Variants in GALNT13 observed in about 807,000 individuals in gnomAD.
GALNT13 encodes the protein UDP-GalNAc:polypeptide N-acetylgalactosaminyltransferase 13.
Under a neutral mutation model 64.2 loss-of-function variants are expected in GALNT13, and 28 were observed. The ratio of observed to expected loss-of-function variants is 0.44; its 90% CI spans 0.32 to 0.60. GALNT13 has a LOEUF of 0.60. GALNT13 is among the 20% of genes least tolerant of loss of function. The probability of loss-of-function intolerance (pLI) is 0.05; values close to 1 mark genes in which losing one functional copy is unlikely to be tolerated. For missense variants in GALNT13, 577 were observed against 669.8 expected, an observed-to-expected ratio of 0.86 and a Z score of 1.53; for synonymous variants, 214 against 224.6, an observed-to-expected ratio of 0.95 and a Z score of 0.42.
the GALNT13 span, among the ~76,000 whole-genome samples, chr2:153,668,896 C>A: frequency 6.6e-6 from 1 of 152,180 alleles, no homozygotes; most frequent in Non-Finnish European, 1.5e-5. Context: ...TACCTATCCA[C>A]CAAGTCTCAC....
intron 11 of GALNT13, among the ~76,000 whole-genome samples, chr2:154,414,949 T>C (rs779806797): frequency 6.6e-6 from 1 of 151,962 alleles, no homozygotes; most frequent in Non-Finnish European, 1.5e-5. Context: ...ACTCAGATCA[T>C]AGTCTTATTA....
the GALNT13 span, among the ~76,000 whole-genome samples, chr2:153,425,274 T>C: frequency 0.23 from 34,179 of 151,468 alleles, 4,101 homozygotes; most frequent in Non-Finnish European, 0.25. Context: ...CTCCTGGGCA[T>C]CAATGGGGCC....
the GALNT13 span, among the ~76,000 whole-genome samples, chr2:153,654,845 G>T: frequency 2.0e-5 from 3 of 151,934 alleles, no homozygotes; most frequent in Admixed American, 6.6e-5. Context: ...TGATCTTGGA[G>T]CCAATTCTCC....
chr2:154,047,948 T>C (rs1699369688), intron 3 of GALNT13, among the ~76,000 whole-genome samples: 2 of 152,160 alleles, frequency 1.3e-5, no homozygotes, highest in South Asian at 2.1e-4. Flanking sequence ...GATGTATTCA[T>C]CCATTTTCAC....
At chr2:154,294,416 A>G (rs564301008) in intron 8 of GALNT13, among the ~76,000 whole-genome samples, 1 of 152,324 alleles carries the variant, frequency 6.6e-6, no homozygotes, top group African/African-American at 2.4e-5. Context: ...GAGTGAGACC[A>G]TTGGAACCCT....
At chr2:153,837,217 A>G in the GALNT13 span, among the ~76,000 whole-genome samples, 17 of 152,174 alleles carry the variant, frequency 1.1e-4, no homozygotes, top group Admixed American at 2.6e-4. Context: ...GTGTGAGATG[A>G]TACCTCATTG....
At chr2:154,115,668 G>A (rs993862107) in intron 3 of GALNT13, among the ~76,000 whole-genome samples, 8 of 152,048 alleles carry the variant, frequency 5.3e-5, no homozygotes, top group Middle Eastern at 3.4e-3. Context: ...TGATCTGCCC[G>A]TCTCAGCCTC....
chr2:154,311,229 A>G (rs1399612164), intron 9 of GALNT13, among the ~76,000 whole-genome samples: 1 of 152,096 alleles, frequency 6.6e-6, no homozygotes, highest in Non-Finnish European at 1.5e-5. Context: ...TTATATTTGT[A>G]TAGATAATTG....
chr2:153,350,753 C>A, the GALNT13 span, among the ~76,000 whole-genome samples: 2 of 151,944 alleles, frequency 1.3e-5, no homozygotes, highest in Non-Finnish European at 2.9e-5. Context: ...GAAGTATATC[C>A]AACAAAAATG....
At chr2:153,822,609 A>ACT in the GALNT13 span, among the ~76,000 whole-genome samples, 3 of 152,178 alleles carry the variant, frequency 2.0e-5, no homozygotes, top group Non-Finnish European at 4.4e-5. Flanking sequence ...TATGTGACAC[A>ACT]CTCAAGCCAA....
the GALNT13 span, among the ~76,000 whole-genome samples, chr2:153,314,392 C>T: frequency 6.6e-6 from 1 of 152,006 alleles, no homozygotes; most frequent in Admixed American, 6.6e-5. Context: ...ATTAGATCGG[C>T]AAAGAAGTAG....
the GALNT13 span, among the ~76,000 whole-genome samples, chr2:153,197,316 G>A: frequency 2.6e-5 from 4 of 152,344 alleles, no homozygotes; most frequent in Non-Finnish European, 5.9e-5. Context: ...CACTAGCACG[G>A]GTGGTGCTAA....
chr2:154,216,081 A>G (rs560933508), intron 4 of GALNT13, among the ~76,000 whole-genome samples: 41 of 152,236 alleles, frequency 2.7e-4, no homozygotes, highest in African/African-American at 9.6e-4. Context: ...CAGTGAATGT[A>G]GGCATCTTTC....
At chr2:153,296,684 A>G in the GALNT13 span, among the ~76,000 whole-genome samples, 199 of 152,308 alleles carry the variant, frequency 1.3e-3, 5 homozygotes, top group East Asian at 0.036. Flanking sequence ...TCTAGTAGTT[A>G]CTTGAAGAGA....
chr2:153,222,712 C>T, the GALNT13 span, among the ~76,000 whole-genome samples: 1 of 152,182 alleles, frequency 6.6e-6, no homozygotes, highest in Non-Finnish European at 1.5e-5. Context: ...AGGTGGCAGG[C>T]GGCTGGTGTG....
chr2:153,836,711 T>C, the GALNT13 span, among the ~76,000 whole-genome samples: 4 of 143,436 alleles, frequency 2.8e-5, no homozygotes, highest in African/African-American at 1.0e-4. Flanking sequence ...CCTGTGTACA[T>C]GTGATCTCAT....
the GALNT13 span, among the ~76,000 whole-genome samples, chr2:153,607,319 C>T: frequency 6.6e-6 from 1 of 152,120 alleles, no homozygotes; most frequent in Non-Finnish European, 1.5e-5. Context: ...ATGCAAAGAA[C>T]CATTCTAGGC....
At chr2:154,360,728 T>C (rs1384458538) in intron 9 of GALNT13, among the ~76,000 whole-genome samples, 1 of 152,082 alleles carries the variant, frequency 6.6e-6, no homozygotes. Context: ...CCAAGTAACA[T>C]ACTGTGTACT....
intron 4 of GALNT13, among the ~76,000 whole-genome samples, chr2:154,193,813 A>G (rs1225713902): frequency 6.6e-6 from 1 of 152,202 alleles, no homozygotes; most frequent in African/African-American, 2.4e-5. Flanking sequence ...TGTTTTGGGA[A>G]AATTACCTAG....
Sources: gnomAD v4.1 joint callset for allele counts (sites outside exome capture counted in the v4.1 genomes callset) on GRCh38, gnomAD v4.1.1 for gene constraint, MANE v1.5 for transcripts, NCBI Gene and HGNC (gene_info 2026-07-23, HGNC 2026-07-21) for gene names.